The following PTPRK variants were observed in gnomAD, a reference collection of about 807,000 sequenced individuals.
PTPRK encodes the protein protein tyrosine phosphatase receptor type K.
In PTPRK, 75 loss-of-function variants were observed where a neutral mutation model predicts 178.0. The ratio of observed to expected loss-of-function variants is 0.42; its 90% CI spans 0.35 to 0.51. The LOEUF (loss-of-function observed/expected upper bound fraction) is 0.51. Among genes scored for constraint, PTPRK ranks in the 20% least tolerant of loss-of-function variants. The probability of loss-of-function intolerance (pLI) is 0.02; values close to 1 mark genes in which losing one functional copy is unlikely to be tolerated. For synonymous variants in PTPRK, 637 were observed against 620.6 expected, an observed-to-expected ratio of 1.03 and a Z score of -0.39; for missense variants, 1,441 against 1,797.8, an observed-to-expected ratio of 0.80 and a Z score of 3.59.
intron 1 of PTPRK, among the ~76,000 whole-genome samples, chr6:128,428,719 G>A (rs1844471855): frequency 6.6e-6 from 1 of 152,132 alleles, no homozygotes; most frequent in Non-Finnish European, 1.5e-5. Context: ...GTACCGATGG[G>A]GTCCCCAACC....
At chr6:128,204,637 A>C (rs1408406204) in intron 6 of PTPRK, among the ~76,000 whole-genome samples, 1 of 151,244 alleles carries the variant, frequency 6.6e-6, no homozygotes, top group Non-Finnish European at 1.5e-5. Flanking sequence ...AAGAAGACAT[A>C]TAGGCAGCCA....
chr6:128,017,772 ATTT>A, intron 13 of PTPRK, among the ~76,000 whole-genome samples: 1 of 126,690 alleles, frequency 7.9e-6, no homozygotes, highest in Non-Finnish European at 1.6e-5. Flanking sequence ...ATATATAAAT[ATTT>A]ATACATATAT....
At chr6:128,300,153 A>C (rs1227751266) in intron 3 of PTPRK, among the ~76,000 whole-genome samples, 1 of 152,250 alleles carries the variant, frequency 6.6e-6, no homozygotes, top group Non-Finnish European at 1.5e-5. Flanking sequence ...AGAGGAATGC[A>C]AATCAAAACC....
chr6:128,008,334 A>T (rs77285874), intron 14 of PTPRK, among the ~76,000 whole-genome samples: 5 of 21,710 alleles, frequency 2.3e-4, no homozygotes, highest in East Asian at 1.6e-3. Context: ...GCTTATAAAT[A>T]TTTTTTTTAA....
intron 2 of PTPRK, among the ~76,000 whole-genome samples, chr6:128,366,631 AC>A (rs1156760761): frequency 3.9e-5 from 6 of 152,176 alleles, no homozygotes; most frequent in African/African-American, 1.4e-4. Context: ...ACCTCGGGAT[AC>A]AGAGTTGAGA....
At chr6:128,463,226 T>C (rs1035230434) in intron 1 of PTPRK, among the ~76,000 whole-genome samples, 1 of 152,182 alleles carries the variant, frequency 6.6e-6, no homozygotes, top group Non-Finnish European at 1.5e-5. Flanking sequence ...CAGAATTTAT[T>C]CACAACTAGA....
At chr6:128,343,137 T>C (rs1180248330) in intron 2 of PTPRK, among the ~76,000 whole-genome samples, 1 of 152,184 alleles carries the variant, frequency 6.6e-6, no homozygotes, top group Non-Finnish European at 1.5e-5. Flanking sequence ...ATGTCTACTA[T>C]CTTTTTATTT....
chr6:128,430,947 T>C (rs1236955840), intron 1 of PTPRK, among the ~76,000 whole-genome samples: 2 of 150,990 alleles, frequency 1.3e-5, no homozygotes, highest in African/African-American at 2.4e-5. Flanking sequence ...TTTCTTTTTT[T>C]TTTTTTTTTG....
intron 3 of PTPRK, among the ~76,000 whole-genome samples, chr6:128,314,725 T>C (rs1277648116): frequency 6.6e-6 from 1 of 152,118 alleles, no homozygotes; most frequent in East Asian, 1.9e-4. Flanking sequence ...AAGGAGGCCT[T>C]GACAGAATGG....
At chr6:128,182,991 C>T (rs747006938) in intron 7 of PTPRK, among the ~76,000 whole-genome samples, 11 of 151,938 alleles carry the variant, frequency 7.2e-5, no homozygotes, top group Admixed American at 3.3e-4. Context: ...CACTGGAATA[C>T]CAAATTGTCA....
intron 1 of PTPRK, chr6:128,500,570 G>A (rs1414837208): frequency 6.6e-6 from 1 of 152,118 alleles, no homozygotes; most frequent in Non-Finnish European, 1.5e-5. Context: ...TCACACAGAA[G>A]AGATTGCTCT....
At chr6:128,083,964 C>G in intron 8 of PTPRK, 140 bp from the exon 9 acceptor site, 1 of 448,728 alleles carries the variant, frequency 2.2e-6, no homozygotes, top group South Asian at 6.4e-5. Flanking sequence ...ACAAAATAAA[C>G]TATATGACTA....
chr6:128,095,516 G>A (rs1787765098), intron 7 of PTPRK, among the ~76,000 whole-genome samples: 2 of 152,122 alleles, frequency 1.3e-5, no homozygotes, highest in Admixed American at 1.3e-4. Context: ...TGAGGAAGGG[G>A]TTCATTGGCC....
At chr6:128,505,011 C>T in intron 1 of PTPRK, among the ~76,000 whole-genome samples, 1 of 151,804 alleles carries the variant, frequency 6.6e-6, no homozygotes, top group East Asian at 1.9e-4. Context: ...TTTAGATGTG[C>T]CATAGAAGTT....
At chr6:128,357,048 T>C (rs1006938872) in intron 2 of PTPRK, among the ~76,000 whole-genome samples, 4 of 152,056 alleles carry the variant, frequency 2.6e-5, no homozygotes, top group Non-Finnish European at 2.9e-5. Flanking sequence ...CTAAGAGAGG[T>C]AGAAAAGAGA....
intron 1 of PTPRK, among the ~76,000 whole-genome samples, chr6:128,431,442 T>C (rs1844827158): frequency 6.6e-6 from 1 of 152,154 alleles, no homozygotes; most frequent in Admixed American, 6.5e-5. Flanking sequence ...AAACACCAGA[T>C]TCCAATCTCT....
At chr6:128,138,052 T>C (rs1795266806) in intron 7 of PTPRK, among the ~76,000 whole-genome samples, 2 of 152,116 alleles carry the variant, frequency 1.3e-5, no homozygotes, top group Non-Finnish European at 2.9e-5. Context: ...TAAAGACTTA[T>C]TATTATCAAG....
At chr6:128,141,341 AAC>A (rs1795736489) in intron 7 of PTPRK, among the ~76,000 whole-genome samples, 1 of 151,894 alleles carries the variant, frequency 6.6e-6, no homozygotes, top group African/African-American at 2.4e-5. Context: ...TATTTTAACA[AAC>A]ACTAGAAAAA....
At chr6:128,233,406 C>T (rs1215846685) in intron 5 of PTPRK, among the ~76,000 whole-genome samples, 1 of 152,206 alleles carries the variant, frequency 6.6e-6, no homozygotes, top group East Asian at 1.9e-4. Context: ...AGGTAACGCA[C>T]TATGTGGTCA....
Sources: gnomAD v4.1 joint callset for allele counts (sites outside exome capture counted in the v4.1 genomes callset) on GRCh38, gnomAD v4.1.1 for gene constraint, MANE v1.5 for transcripts, NCBI Gene and HGNC (gene_info 2026-07-23, HGNC 2026-07-21) for gene names.